SYNE1: variants seen among roughly 807,000 people sequenced by gnomAD.
The protein encoded by SYNE1 is nesprin-1.
In SYNE1, 616 loss-of-function variants were observed where a neutral mutation model predicts 1,111.0. That is an observed-to-expected ratio of 0.55 (90% CI 0.52 to 0.59). The LOEUF (loss-of-function observed/expected upper bound fraction) is 0.59, where lower values mean the gene tolerates loss of function less well. Among genes scored for constraint, SYNE1 ranks in the 20% least tolerant of loss-of-function variants. The pLI is 0.00. For synonymous variants in SYNE1, 3,855 were observed against 3,825.8 expected, an observed-to-expected ratio of 1.01 and a Z score of -0.28; for missense variants, 10,006 against 10,417.0, an observed-to-expected ratio of 0.96 and a Z score of 1.72.
chr6:152,550,687 T>G (rs934309338), intron 3 of SYNE1, among the ~76,000 whole-genome samples: 16 of 152,090 alleles, frequency 1.1e-4, no homozygotes, highest in Admixed American at 8.5e-4. Context: ...AGACTATTTA[T>G]AGTCTTTCAT....
chr6:152,254,383 T>C (rs2090324642), intron 104 of SYNE1, among the ~76,000 whole-genome samples: 1 of 150,900 alleles, frequency 6.6e-6, no homozygotes, highest in Non-Finnish European at 1.5e-5. Flanking sequence ...TCCAAGTAGC[T>C]GGGATTACAG....
At chr6:152,451,930 A>C (rs948317154) in intron 25 of SYNE1, among the ~76,000 whole-genome samples, 1 of 152,056 alleles carries the variant, frequency 6.6e-6, no homozygotes, top group African/African-American at 2.4e-5. Flanking sequence ...CTTGTGAGGT[A>C]GGAGGGGCAG....
At chr6:152,358,248 G>A in intron 66 of SYNE1, 125 bp downstream of exon 66, 1 of 1,275,376 alleles carries the variant, frequency 7.8e-7, no homozygotes, top group Non-Finnish European at 1.1e-6. Flanking sequence ...ACCTTATGGG[G>A]ATTGCACTTA....
At chr6:152,408,676 G>A (rs983000432) in intron 44 of SYNE1, among the ~76,000 whole-genome samples, 1 of 152,108 alleles carries the variant, frequency 6.6e-6, no homozygotes, top group Non-Finnish European at 1.5e-5. Flanking sequence ...AAATTCAGCT[G>A]GGTGCGGTGG....
chr6:152,334,299 A>G (rs1409674227), intron 76 of SYNE1, 26 bp from the exon 77 acceptor site: 1 of 1,611,496 alleles, frequency 6.2e-7, no homozygotes, highest in Admixed American at 1.7e-5. Context: ...AACAAAAAAT[A>G]TGTAATGTGT....
intron 3 of SYNE1, among the ~76,000 whole-genome samples, chr6:152,616,843 G>T (rs759018489): frequency 1.8e-4 from 28 of 152,076 alleles, no homozygotes; most frequent in Non-Finnish European, 3.2e-4. Context: ...TGACCTGAGT[G>T]GTTGCACAGG....
chr6:152,417,525 C>CAAAAAA (rs2098180760), intron 40 of SYNE1, among the ~76,000 whole-genome samples: 1 of 150,916 alleles, frequency 6.6e-6, no homozygotes, highest in Non-Finnish European at 1.5e-5. Flanking sequence ...AACAAACAAA[C>CAAAAAA]ACAACTCTGT....
At chr6:152,181,360 C>T (rs886650508) in intron 128 of SYNE1, among the ~76,000 whole-genome samples, 13 of 152,038 alleles carry the variant, frequency 8.6e-5, no homozygotes, top group Admixed American at 4.6e-4. Context: ...TGCAGTGAGC[C>T]GAGATTGTGT....
intron 3 of SYNE1, among the ~76,000 whole-genome samples, chr6:152,623,102 C>T (rs992315650): frequency 6.6e-6 from 1 of 152,048 alleles, no homozygotes; most frequent in Non-Finnish European, 1.5e-5. Flanking sequence ...TCAAACCATA[C>T]TGCAGGGCTA....
chr6:152,180,313 G>C lies in SYNE1; in HGVS notation c.23302-19C>G. On this transcript the variant is annotated intron_variant, in intron 128 of 145. Coordinates refer to ENST00000367255, the MANE Select transcript of SYNE1 (RefSeq NM_182961.4). ...AGGAGAGCTGAAAAGTTTAAAATGG[G>C]AGAATAGGCAAAATGATTATCAGAG... 2 of 1,613,328 alleles carry C rather than the reference G, an allele frequency of 1.2e-6. No individual in the cohort carries two copies. Among genetic ancestry groups the C allele is most frequent in the Non-Finnish European group, 1.7e-6 (2 of 1,179,658 alleles).
At chr6:152,455,388 T>G (rs766264274) in intron 24 of SYNE1, 38 bp downstream of exon 24, 2 of 1,596,328 alleles carry the variant, frequency 1.3e-6, no homozygotes, top group South Asian at 2.3e-5. Flanking sequence ...TGTTTGTCCA[T>G]GTATTCAGGT....
chr6:152,186,911 C>A (rs985194766), intron 128 of SYNE1, among the ~76,000 whole-genome samples: 1 of 152,156 alleles, frequency 6.6e-6, no homozygotes, highest in Non-Finnish European at 1.5e-5. Context: ...TTTGTACCCA[C>A]CAAATATCTT....
At chr6:152,272,816 A>G (rs1337928613) in intron 98 of SYNE1, among the ~76,000 whole-genome samples, 1 of 152,228 alleles carries the variant, frequency 6.6e-6, no homozygotes, top group Non-Finnish European at 1.5e-5. Flanking sequence ...AAAGAGCATT[A>G]ACATTGCTGA....
At chr6:152,141,380 A>G (rs369282104) in intron 138 of SYNE1, 51 bp from the exon 139 acceptor site, 6 of 1,610,292 alleles carry the variant, frequency 3.7e-6, no homozygotes, top group Admixed American at 3.3e-5. Flanking sequence ...TCATGAGTGC[A>G]AAAGCTTCCG....
At chr6:152,125,359 C>T in intron 145 of SYNE1, 1 of 1,549,548 alleles carries the variant, frequency 6.5e-7, no homozygotes. Context: ...AGCCTCTGGT[C>T]ATAAGGCCTC....
At chr6:152,141,108 A>G (rs2058447081) in intron 139 of SYNE1, 95 bp downstream of exon 139, 1 of 1,552,620 alleles carries the variant, frequency 6.4e-7, no homozygotes, top group African/African-American at 1.4e-5. Flanking sequence ...ACGGTGTAGA[A>G]GAAGGCCAAG....
At position 152,430,606 on chromosome 6, in the gene SYNE1, A is replaced by G. The variant is rs1466440277; in HGVS notation, c.4565T>C (p.Ile1522Thr). 1 of 1,614,118 alleles carries G rather than the reference A, an allele frequency of 6.2e-7. No individual in the cohort carries two copies. Among genetic ancestry groups the G allele is most frequent in the Non-Finnish European group, 8.5e-7 (1 of 1,180,000 alleles). The change falls in exon 35 of 146, where the codon ATT (isoleucine) becomes ACT (threonine). Residue 1522 changes from isoleucine (I) to threonine (T), a missense_variant. Physicochemically the swap from Ile to Thr is moderately conservative, Grantham distance 89 (BLOSUM62 -1). Around this residue, in one of 7 missense-constraint regions of SYNE1, gnomAD observed 1,971 missense variants for 2,084.1 expected, o/e 0.95. Transcript: ENST00000367255. Reference sequence around the variant, plus strand: ...TCTTATTTGTGTCAACTTGGCTTTAATTCGAGCAGATTCTCCAGTGGTAAC... The same window carrying G: ...TCTTATTTGTGTCAACTTGGCTTTAGTTCGAGCAGATTCTCCAGTGGTAAC... The part of the protein sequence containing the change: ...QFVTTGESAR[I>T]KAKLTQIRRY...
In SYNE1 at chr6:152,363,240, A is replaced by T. The variant is rs746588992; in HGVS notation, c.10146-917T>A. Among the ~76,000 whole-genome samples the T allele has an allele frequency of 3.5e-3, 510 of 145,902 alleles. 2 individuals are homozygous for T. Among genetic ancestry groups the T allele is most frequent in the Non-Finnish European group, 6.5e-3 (435 of 66,464 alleles). ...CCGGGCGCGGTGACTCACGCCTGTA[A>T]TCCCAGCACTTTGGGAGGCCAAGGC... On this transcript the variant is annotated intron_variant, in intron 63 of 145. Transcript: ENST00000367255.
chr6:152,490,083 C>A (rs2098962251), intron 11 of SYNE1, among the ~76,000 whole-genome samples: 1 of 151,984 alleles, frequency 6.6e-6, no homozygotes, highest in Non-Finnish European at 1.5e-5. Context: ...AGAAAATAAA[C>A]AATAAAAATA....
Sources: gnomAD v4.1 joint callset for allele counts (sites outside exome capture counted in the v4.1 genomes callset) on GRCh38, gnomAD v4.1.1 for gene constraint, gnomAD v4.1.1 regional missense constraint, MANE v1.5 for transcripts, NCBI Gene and HGNC (gene_info 2026-07-23, HGNC 2026-07-21) for gene names.